UGP2: variants seen among roughly 807,000 people sequenced by gnomAD.
UGP2 encodes UDP-glucose pyrophosphorylase 2, also known as UTP--glucose-1-phosphate uridylyltransferase.
Under a neutral mutation model 49.0 loss-of-function variants are expected in UGP2, and 40 were observed. The ratio of observed to expected loss-of-function variants is 0.82; its 90% CI spans 0.63 to 1.06. The LOEUF (loss-of-function observed/expected upper bound fraction) is 1.06, where lower values mean the gene tolerates loss of function less well. Ranked by LOEUF, UGP2 falls within the 50% of genes least tolerant of loss-of-function variation. UGP2 has a pLI of 0.00. For missense variants in UGP2, 460 were observed against 603.5 expected, an observed-to-expected ratio of 0.76 and a Z score of 2.49; for synonymous variants, 225 against 213.0, an observed-to-expected ratio of 1.06 and a Z score of -0.49.
intron 1 of UGP2, among the ~76,000 whole-genome samples, chr2:63,852,831 A>G (rs986260349): frequency 6.6e-6 from 1 of 152,194 alleles, no homozygotes; most frequent in African/African-American, 2.4e-5. Flanking sequence ...ACTGTGAGGT[A>G]TAAACCTTAG....
intron 1 of UGP2, among the ~76,000 whole-genome samples, chr2:63,852,290 A>G (rs1669093971): frequency 6.6e-6 from 1 of 152,224 alleles, no homozygotes; most frequent in Admixed American, 6.5e-5. Context: ...AGATATGCAT[A>G]TCTTTCCCAC....
rs575041345 is a variant in UGP2 at position 63,865,393 on chromosome 2, G to A, written c.255+7457G>A. ...CAGTTCAGAACTTTTGGTTTAGTGAGGAGATGTTTGCACAAAAATATGTTT... is the reference window on the plus strand; with the variant it reads ...CAGTTCAGAACTTTTGGTTTAGTGAAGAGATGTTTGCACAAAAATATGTTT... On this transcript the variant is annotated intron_variant, in intron 3 of 9. Coordinates refer to ENST00000337130, the MANE Select transcript of UGP2 (RefSeq NM_006759.4). Among the ~76,000 whole-genome samples the A allele has an allele frequency of 9.9e-5, 15 of 152,284 alleles. No individual in the cohort carries two copies. The South Asian group carries it at 1.2e-3, about 13-fold the overall frequency.
chr2:63,881,457 A>T (rs1671306172), intron 3 of UGP2, among the ~76,000 whole-genome samples: 1 of 152,114 alleles, frequency 6.6e-6, no homozygotes, highest in South Asian at 2.1e-4. Flanking sequence ...TCAGTCCATT[A>T]TGTGTTAGCT....
intron 3 of UGP2, among the ~76,000 whole-genome samples, chr2:63,867,469 G>C (rs933493699): frequency 6.6e-6 from 1 of 152,120 alleles, no homozygotes; most frequent in African/African-American, 2.4e-5. Context: ...AGCATTTACT[G>C]TGTGCCAGGC....
rs528966512 is a variant in UGP2, at chr2:63,884,993, C to CTTTTTTTTT, written c.576-575_576-567dup. On this transcript the variant is annotated intron_variant, in intron 5 of 9. Transcript: ENST00000337130. ...TTTTAAGATCTATTTCCCATGGTTA[C>CTTTTTTTTT]TTTTTTTTTTTTTTTTTTTTTTTTT... Among the ~76,000 whole-genome samples the CTTTTTTTTT allele has an allele frequency of 1.8e-3, 42 of 23,146 alleles. 2 individuals carry two copies. The highest frequency in any genetic ancestry group is 2.3e-3 in the Non-Finnish European group (31 of 13,214). The allele number at this position is 23,146 out of a possible 152,430, so 15.2% of individuals were successfully genotyped here.
chr2:63,859,253 C>G (rs974499720), intron 3 of UGP2: 3 of 152,056 alleles, frequency 2.0e-5, no homozygotes, highest in African/African-American at 7.3e-5. Context: ...CCTTGGCCTC[C>G]CAAAATGCTG....
chr2:63,864,033 T>G (rs962466111), intron 3 of UGP2, among the ~76,000 whole-genome samples: 17 of 152,204 alleles, frequency 1.1e-4, no homozygotes, highest in African/African-American at 3.9e-4. Context: ...GGTTTTTTGG[T>G]TTTTAATGAA....
intron 3 of UGP2, among the ~76,000 whole-genome samples, chr2:63,876,795 T>C (rs1357109242): frequency 6.6e-6 from 1 of 152,250 alleles, no homozygotes; most frequent in Non-Finnish European, 1.5e-5. Context: ...CAGAAGTCTT[T>C]ATTGACTTGG....
intron 3 of UGP2, among the ~76,000 whole-genome samples, chr2:63,868,475 G>A (rs1670320497): frequency 6.6e-6 from 1 of 152,188 alleles, no homozygotes; most frequent in African/African-American, 2.4e-5. Flanking sequence ...GAGCATATCA[G>A]CTCCTGTTAC....
intron 3 of UGP2, among the ~76,000 whole-genome samples, chr2:63,865,883 C>T (rs1009140331): frequency 7.9e-5 from 12 of 152,088 alleles, no homozygotes; most frequent in Non-Finnish European, 8.8e-5. Flanking sequence ...AAGTGAGTGG[C>T]TTGCTTACCG....
intron 8 of UGP2, chr2:63,888,690 A>T (rs1671857567): frequency 6.6e-6 from 1 of 152,248 alleles, no homozygotes; most frequent in Non-Finnish European, 1.5e-5. Context: ...CATCTTTGGG[A>T]TGTGGGAAGA....
chr2:63,880,182 C>T (rs1183956501), intron 3 of UGP2, among the ~76,000 whole-genome samples: 1 of 148,362 alleles, frequency 6.7e-6, no homozygotes, highest in Non-Finnish European at 1.5e-5. Flanking sequence ...TACCCCTCCC[C>T]CCTCCTCCCT....
chr2:63,878,729 A>C (rs1168593103), intron 3 of UGP2, among the ~76,000 whole-genome samples: 2 of 152,116 alleles, frequency 1.3e-5, no homozygotes, highest in African/African-American at 4.8e-5. Flanking sequence ...ATGCTCAGGT[A>C]ATTAAAAAAA....
chr2:63,886,331 G>A lies in UGP2; in HGVS notation c.874-10G>A, dbSNP rs1045762120. On this transcript the variant is annotated splice_polypyrimidine_tract_variant and intron_variant, in intron 6 of 9. Coordinates refer to ENST00000337130, the MANE Select transcript of UGP2 (RefSeq NM_006759.4). ...GATGTGGAGGCACTCACTATTTTCT[G>A]CCTTTCTAGGGCGGGACACTCACTC... 3.1e-6 allele frequency: 5 copies of A among 1,613,318 alleles called. No individual in the cohort carries two copies. Among genetic ancestry groups the A allele is most frequent in the Non-Finnish European group, 3.4e-6 (4 of 1,179,292 alleles).
At chr2:63,857,173 C>T (rs1010375823) in intron 2 of UGP2, among the ~76,000 whole-genome samples, 2 of 151,732 alleles carry the variant, frequency 1.3e-5, no homozygotes, top group Admixed American at 6.6e-5. Context: ...TGGTGGTATG[C>T]GCCTGTGGTC....
intron 4 of UGP2, 79 bp from the exon 5 acceptor site, chr2:63,883,881 A>T: frequency 6.7e-7 from 1 of 1,499,024 alleles, no homozygotes; most frequent in Non-Finnish European, 9.0e-7. Flanking sequence ...TTTATGATTT[A>T]ACCATTAAGA....
chr2:63,883,853 A>G, intron 4 of UGP2, 107 bp from the exon 5 acceptor site: 1 of 1,399,026 alleles, frequency 7.1e-7, no homozygotes, highest in East Asian at 2.3e-5. Context: ...GGCTACGTAC[A>G]GATGATGTTT....
chr2:63,855,551 TTTC>T (rs1191093734), intron 1 of UGP2: 2 of 314,208 alleles, frequency 6.4e-6, no homozygotes, highest in African/African-American at 4.5e-5. Flanking sequence ...TCTCTTTTCT[TTTC>T]TTTTTGAGAC....
chr2:63,868,558 T>C (rs1450192861), intron 3 of UGP2, among the ~76,000 whole-genome samples: 4 of 152,222 alleles, frequency 2.6e-5, no homozygotes, highest in Admixed American at 2.6e-4. Flanking sequence ...GTAATGAATA[T>C]AAAACTTTGC....
Sources: gnomAD v4.1 joint callset for allele counts (sites outside exome capture counted in the v4.1 genomes callset) on GRCh38, gnomAD v4.1.1 for gene constraint, MANE v1.5 for transcripts, NCBI Gene and HGNC (gene_info 2026-07-23, HGNC 2026-07-21) for gene names.